The following NWD2 variants were observed in gnomAD, a reference collection of about 807,000 sequenced individuals.
NWD2 encodes the protein NACHT and WD repeat domain containing 2, also known as NACHT and WD repeat domain-containing protein 2.
In NWD2, 37 loss-of-function variants were observed where a neutral mutation model predicts 132.7. That is an observed-to-expected ratio of 0.28 (90% confidence interval 0.21 to 0.37). The LOEUF (loss-of-function observed/expected upper bound fraction) is 0.37, where lower values mean the gene tolerates loss of function less well. Ranked by LOEUF, NWD2 falls within the 10% of genes least tolerant of loss-of-function variation. The probability of loss-of-function intolerance (pLI) is 1.00; values close to 1 mark genes in which losing one functional copy is unlikely to be tolerated. For synonymous variants in NWD2, 705 were observed against 803.0 expected (o/e 0.88, Z 2.06); for missense variants, 1,592 against 2,122.4 (o/e 0.75, Z 4.91).
intron 3 of NWD2, among the ~76,000 whole-genome samples, chr4:37,406,068 A>G (rs1261681016): frequency 6.6e-6 from 1 of 152,244 alleles, no homozygotes; most frequent in African/African-American, 2.4e-5. Flanking sequence ...TAAAATTTAT[A>G]AACAAGAAGT....
Position 37,444,206 on chromosome 4 carries a change from A to G in NWD2, c.2218A>G (p.Ile740Val). 1.3e-6 allele frequency: 2 copies of G among 1,549,346 alleles called. No individual in the cohort carries two copies. The highest frequency in any genetic ancestry group is 1.7e-4 in the Middle Eastern group (1 of 5,988). The change falls in exon 7 of 7, where the codon ATA (isoleucine) becomes GTA (valine). Residue 740 changes from isoleucine to valine, a missense_variant. By Grantham distance (29) the Ile-to-Val change is conservative. Coordinates refer to ENST00000309447, the MANE Select transcript of NWD2 (RefSeq NM_001144990.2). This position sits in a 1 kb window ranked among gnomAD's most constrained non-coding sequence, Gnocchi z 4.8. ...CTGGGCCAACAGACACCTGCAGCTC[A>G]TAGCCCAGAAGCTATATCTGCAGGA... ...LVWANRHLQLIAQKLYLQDDN... is the reference protein window; with the variant it reads ...LVWANRHLQLVAQKLYLQDDN...
chr4:37,434,818 G>A (rs995453863), intron 5 of NWD2, among the ~76,000 whole-genome samples: 6 of 150,158 alleles, frequency 4.0e-5, no homozygotes, highest in Non-Finnish European at 7.4e-5. Context: ...CAGAGAGGGA[G>A]AGATGAGGAT....
chr4:37,318,720 A>T (rs898862997), intron 1 of NWD2, among the ~76,000 whole-genome samples: 1 of 151,866 alleles, frequency 6.6e-6, no homozygotes, highest in Non-Finnish European at 1.5e-5. Flanking sequence ...AATTATAATA[A>T]TATTATAATA....
At chr4:37,408,799 G>A (rs1394572434) in intron 3 of NWD2, among the ~76,000 whole-genome samples, 1 of 152,180 alleles carries the variant, frequency 6.6e-6, no homozygotes, top group Admixed American at 6.5e-5. Context: ...CATCTGGCAG[G>A]TGCCCCTCTG....
Position 37,443,761 on chromosome 4 carries a change from G to A in NWD2, c.1773G>A (p.Lys591=), listed in dbSNP as rs114887066. 3,243 of 1,551,890 alleles carry A rather than the reference G, an allele frequency of 2.1e-3. 65 individuals carry two copies. In the African/African-American group the frequency reaches 0.038, roughly 18 times the overall value. Residue 591 remains lysine (K), a synonymous_variant, in exon 7 of 7, where the codon AAG becomes AAA. Transcript: ENST00000309447. The surrounding 1 kb of genome is among the most constrained non-coding windows in gnomAD (Gnocchi z 4.1). ...LKHQLLRVKR[K]VTSGQQIYVN... ...ACCAGCTGCTGCGCGTCAAAAGGAA[G>A]GTCACATCAGGCCAGCAGATTTATG...
intron 1 of NWD2, among the ~76,000 whole-genome samples, chr4:37,308,759 C>T (rs973655588): frequency 2.0e-5 from 3 of 151,780 alleles, no homozygotes; most frequent in Non-Finnish European, 4.4e-5. Flanking sequence ...AGGGTACAGG[C>T]ACTCAGTAGC....
At chr4:37,317,273 A>C (rs1776548) in intron 1 of NWD2, among the ~76,000 whole-genome samples, 11,048 of 152,206 alleles carry the variant, frequency 0.073, 1,233 homozygotes, top group African/African-American at 0.24. Context: ...AACAGCTTTC[A>C]ATCTTTCTTA....
rs1033217199 is a variant in NWD2 at position 37,439,431 on chromosome 4, G to T, written c.1296+41G>T. 3.1e-6 allele frequency: 4 copies of T among 1,276,668 alleles called. No individual in the cohort carries two copies. Among genetic ancestry groups the T allele is most frequent in the Non-Finnish European group, 4.2e-6 (4 of 957,730 alleles). 79.1% of individuals were successfully genotyped at this position (1,276,668 alleles called of 1,614,324 possible). A position where few individuals can be genotyped will look rare whatever the true frequency, so the allele number is the denominator to read the frequency against. On this transcript the variant is annotated intron_variant, in intron 6 of 6. Coordinates refer to ENST00000309447, the MANE Select transcript of NWD2 (RefSeq NM_001144990.2). The surrounding 1 kb of genome is among the most constrained non-coding windows in gnomAD (Gnocchi z 4.5). ...TTCCCGTGTATATTTGTAAAAACTT[G>T]TACTTTTGGAAAATGGTAAATTAAT... is the stretch of plus-strand genomic sequence containing the variant.
At chr4:37,281,570 T>A (rs867635785) in intron 1 of NWD2, among the ~76,000 whole-genome samples, 1 of 152,070 alleles carries the variant, frequency 6.6e-6, no homozygotes, top group African/African-American at 2.4e-5. Context: ...ACTATATATG[T>A]GTTAAATCGT....
rs545904597 is a variant in NWD2 at position 37,399,219 on chromosome 4, G to A, written c.358-31353G>A. Among the ~76,000 whole-genome samples the A allele has an allele frequency of 3.3e-5, 5 of 152,244 alleles. No individual in the cohort carries two copies. The South Asian group carries it at 1.0e-3, about 32-fold the overall frequency. ...GTCTCTCAAGAAATATCTAGATAAG[G>A]AGTTTGTCACACCAGCAGAGCCAAT... is the stretch of plus-strand genomic sequence containing the variant. On this transcript the variant is annotated intron_variant, in intron 3 of 6. Transcript: ENST00000309447.
At chr4:37,317,143 G>A (rs1024402310) in intron 1 of NWD2, among the ~76,000 whole-genome samples, 13 of 152,278 alleles carry the variant, frequency 8.5e-5, no homozygotes, top group Middle Eastern at 3.4e-3. Context: ...CTGTGGATCT[G>A]TATTTGGGGA....
At chr4:37,254,087 A>G (rs571057710) in intron 1 of NWD2, among the ~76,000 whole-genome samples, 1 of 152,240 alleles carries the variant, frequency 6.6e-6, no homozygotes, top group African/African-American at 2.4e-5. Flanking sequence ...ATCAGGAAAA[A>G]TAACTAATGG....
Position 37,444,162 on chromosome 4 carries a change from A to G in NWD2, c.2174A>G (p.Lys725Arg), listed in dbSNP as rs1215122172. Residue 725 changes from lysine (K) to arginine (R), a missense_variant, in exon 7 of 7, where the codon AAA (lysine) becomes AGA (arginine). Physicochemically the swap from Lys to Arg is conservative, Grantham distance 26 (BLOSUM62 2). Around this residue, in one of 7 missense-constraint regions of NWD2, gnomAD observed 1,071 missense variants for 1,398.0 expected, o/e 0.77. Coordinates refer to ENST00000309447, the MANE Select transcript of NWD2 (RefSeq NM_001144990.2). This position sits in a 1 kb window ranked among gnomAD's most constrained non-coding sequence, Gnocchi z 4.8. ...GGATACCTAATAGAAAGACATGTGA[A>G]AAATGTCACACTCCTAGTCTGGGCC... ...LSGYLIERHV[K>R]NVTLLVWANR... 12 of 1,551,754 alleles carry G rather than the reference A, an allele frequency of 7.7e-6. No homozygotes were observed. The highest frequency in any genetic ancestry group is 1.0e-5 in the Non-Finnish European group (12 of 1,146,998).
intron 3 of NWD2, among the ~76,000 whole-genome samples, chr4:37,357,854 A>G (rs1253779278): frequency 6.6e-6 from 1 of 152,114 alleles, no homozygotes; most frequent in African/African-American, 2.4e-5. Context: ...CCTCACTGAT[A>G]AGGTGACTCT....
intron 1 of NWD2, among the ~76,000 whole-genome samples, chr4:37,247,766 C>T (rs1430461840): frequency 2.6e-5 from 4 of 152,098 alleles, no homozygotes; most frequent in African/African-American, 4.8e-5. Context: ...CCCACCACTA[C>T]GCCCGGCTAA....
At position 37,444,229 on chromosome 4, in the gene NWD2, G is replaced by A; in HGVS notation, c.2241G>A (p.Gln747=). ...TCATAGCCCAGAAGCTATATCTGCA[G>A]GATGACAATGACCTGCGTGAAATGC... ...LQLIAQKLYL[Q]DDNDLREMHT... The change falls in exon 7 of 7, where the codon CAG becomes CAA. Residue 747 remains glutamine, a synonymous_variant. Transcript: ENST00000309447. The surrounding 1 kb of genome is among the most constrained non-coding windows in gnomAD (Gnocchi z 4.8). 6.4e-7 allele frequency: 1 copy of A among 1,551,678 alleles called. No homozygotes were observed. Among genetic ancestry groups the A allele is most frequent in the Non-Finnish European group, 8.7e-7 (1 of 1,146,994 alleles).
intron 6 of NWD2, among the ~76,000 whole-genome samples, chr4:37,440,979 A>G (rs1477373403): frequency 6.6e-6 from 1 of 152,206 alleles, no homozygotes; most frequent in East Asian, 1.9e-4. Flanking sequence ...GTGCTACATA[A>G]TCTCAAATTG....
At chr4:37,341,526 A>G (rs1433262841) in intron 2 of NWD2, among the ~76,000 whole-genome samples, 1 of 152,232 alleles carries the variant, frequency 6.6e-6, no homozygotes. Flanking sequence ...GAAGGCAAAC[A>G]TGACATGAAA....
rs1720690672 is a variant in NWD2 at position 37,392,130 on chromosome 4, G to T, written c.357+35648G>T. ...GTGGGAGAATTGCTGGAACCTGGGA[G>T]GCAGAGGTTGCAGTAAGCCGAGATC... On this transcript the variant is annotated intron_variant, in intron 3 of 6. Coordinates refer to ENST00000309447, the MANE Select transcript of NWD2 (RefSeq NM_001144990.2). Among the ~76,000 whole-genome samples the T allele has an allele frequency of 2.6e-5, 4 of 152,250 alleles. No individual in the cohort carries two copies. In the South Asian group the frequency reaches 8.3e-4, roughly 32 times the overall value.
Sources: gnomAD v4.1 joint callset for allele counts (sites outside exome capture counted in the v4.1 genomes callset) on GRCh38, gnomAD v4.1.1 for gene constraint, gnomAD v4.1.1 regional missense constraint, Gnocchi (gnomAD v3.1) non-coding constraint, MANE v1.5 for transcripts, NCBI Gene and HGNC (gene_info 2026-07-23, HGNC 2026-07-21) for gene names.